Variants in CTNNA3 observed in about 807,000 individuals in gnomAD.
CTNNA3 encodes the protein catenin alpha 3.
CTNNA3 carries 76 observed loss-of-function variants against 95.7 expected under a neutral mutation model. The ratio of observed to expected loss-of-function variants is 0.79; its 90% CI spans 0.66 to 0.96. The LOEUF (loss-of-function observed/expected upper bound fraction) is 0.96, where lower values mean the gene tolerates loss of function less well. Ranked by LOEUF, CTNNA3 falls within the 40% of genes least tolerant of loss-of-function variation. The pLI, the probability that CTNNA3 is intolerant of heterozygous loss-of-function variation, is 0.00. For missense variants in CTNNA3, 1,191 were observed against 1,089.8 expected, an observed-to-expected ratio of 1.09 and a Z score of -1.31; for synonymous variants, 431 against 374.4, an observed-to-expected ratio of 1.15 and a Z score of -1.74.
chr10:66,381,189 C>T (rs2132495352), intron 11 of CTNNA3, among the ~76,000 whole-genome samples: 1 of 152,162 alleles, frequency 6.6e-6, no homozygotes, highest in African/African-American at 2.4e-5. Flanking sequence ...CATGATCTTC[C>T]ATGCCTCTGT....
intron 12 of CTNNA3, among the ~76,000 whole-genome samples, chr10:66,316,953 T>C (rs2092110066): frequency 6.6e-6 from 1 of 152,054 alleles, no homozygotes; most frequent in African/African-American, 2.4e-5. Flanking sequence ...AAGAATTGAA[T>C]AGCAGACTAA....
intron 12 of CTNNA3, among the ~76,000 whole-genome samples, chr10:66,308,470 T>C (rs1047517847): frequency 6.6e-6 from 1 of 152,160 alleles, no homozygotes; most frequent in Admixed American, 6.5e-5. Context: ...GACTTTTGAG[T>C]AAGGAATATA....
intron 9 of CTNNA3, among the ~76,000 whole-genome samples, chr10:66,752,443 A>G (rs1412174171): frequency 6.6e-6 from 1 of 152,200 alleles, no homozygotes; most frequent in Non-Finnish European, 1.5e-5. Flanking sequence ...TAACTAATAT[A>G]CAATAATTAA....
intron 5 of CTNNA3, among the ~76,000 whole-genome samples, chr10:67,355,248 C>G (rs1412591060): frequency 6.6e-6 from 1 of 151,932 alleles, no homozygotes; most frequent in East Asian, 1.9e-4. Flanking sequence ...ACCCCATTCC[C>G]TGTCCCTATA....
intron 5 of CTNNA3, among the ~76,000 whole-genome samples, chr10:67,437,239 T>C (rs1490940811): frequency 5.9e-5 from 9 of 152,148 alleles, no homozygotes; most frequent in African/African-American, 1.9e-4. Context: ...CCAAACATCA[T>C]ATGTTCTCAC....
chr10:66,229,389 A>C (rs990455805), intron 13 of CTNNA3, among the ~76,000 whole-genome samples: 1 of 152,076 alleles, frequency 6.6e-6, no homozygotes, highest in Non-Finnish European at 1.5e-5. Context: ...TCTCTTATGC[A>C]ATTCACGTGG....
chr10:66,491,936 A>C (rs767940722), intron 11 of CTNNA3, among the ~76,000 whole-genome samples: 3 of 151,918 alleles, frequency 2.0e-5, no homozygotes, highest in Admixed American at 6.6e-5. Flanking sequence ...TCTGAGTAGA[A>C]TCTATCCATC....
chr10:66,197,416 C>T (rs2087037975), intron 13 of CTNNA3, among the ~76,000 whole-genome samples: 2 of 152,034 alleles, frequency 1.3e-5, no homozygotes, highest in Admixed American at 6.6e-5. Context: ...CAGGTTCATA[C>T]ATGCAAAAGA....
intron 9 of CTNNA3, among the ~76,000 whole-genome samples, chr10:66,652,012 C>T (rs1400339805): frequency 6.8e-6 from 1 of 147,188 alleles, no homozygotes; most frequent in African/African-American, 2.5e-5. Context: ...GCAGCAAAAG[C>T]AGTTCTAAGA....
chr10:65,950,648 C>T (rs903774407), intron 17 of CTNNA3, among the ~76,000 whole-genome samples: 4 of 152,268 alleles, frequency 2.6e-5, no homozygotes, highest in African/African-American at 9.6e-5. Flanking sequence ...AATTAATCTC[C>T]TCCCTCTTTT....
chr10:66,762,551 C>T (rs994865429), intron 9 of CTNNA3, among the ~76,000 whole-genome samples: 6 of 151,636 alleles, frequency 4.0e-5, no homozygotes, highest in African/African-American at 1.5e-4. Context: ...TGTGGTGACA[C>T]ATCTGAGGTC....
Position 67,576,836 on chromosome 10 carries a change from A to G in CTNNA3, c.292+30021T>C, listed in dbSNP as rs1408232099. ...TTTTTGTCCTTGCAATAGTTTGCTGAGAATGATAGTTTCCAGCATCATCGA... is the reference window on the plus strand; with the variant it reads ...TTTTTGTCCTTGCAATAGTTTGCTGGGAATGATAGTTTCCAGCATCATCGA... On this transcript the variant is annotated intron_variant, in intron 3 of 17. Coordinates refer to ENST00000433211, the MANE Select transcript of CTNNA3 (RefSeq NM_013266.4). 3.6e-5 allele frequency among the ~76,000 whole-genome samples: 4 copies of G among 109,968 alleles called. 1 individual carries two copies. Among genetic ancestry groups the G allele is most frequent in the Non-Finnish European group, 6.4e-5 (4 of 62,650 alleles). The allele number at this position is 109,968 out of a possible 152,430, so 72.1% of individuals were successfully genotyped here.
intron 5 of CTNNA3, among the ~76,000 whole-genome samples, chr10:67,271,539 A>C (rs1838976271): frequency 6.6e-6 from 1 of 152,154 alleles, no homozygotes. Context: ...GTATTTCTTC[A>C]TAGCAATGTG....
chr10:67,230,662 T>C (rs1336512964), intron 5 of CTNNA3, among the ~76,000 whole-genome samples: 4 of 152,044 alleles, frequency 2.6e-5, no homozygotes, highest in African/African-American at 9.7e-5. Context: ...AAAGAAGATA[T>C]ACAGAGAAGC....
At chr10:66,173,971 TCACTTCAAAA>T (rs1488116739) in intron 13 of CTNNA3, among the ~76,000 whole-genome samples, 2 of 152,128 alleles carry the variant, frequency 1.3e-5, no homozygotes, top group Non-Finnish European at 2.9e-5. Context: ...CCAGGCAGTC[TCACTTCAAAA>T]TCCGTGTCCC....
At chr10:67,503,055 C>G (rs1231654246) in intron 5 of CTNNA3, among the ~76,000 whole-genome samples, 2 of 152,318 alleles carry the variant, frequency 1.3e-5, no homozygotes, top group South Asian at 4.1e-4. Context: ...TCTGCCCAAA[C>G]GGCCTCCCAG....
At chr10:67,620,926 T>TATAC (rs1175047702) in intron 2 of CTNNA3, among the ~76,000 whole-genome samples, 2 of 77,078 alleles carry the variant, frequency 2.6e-5, no homozygotes, top group African/African-American at 8.0e-5. Context: ...TGTGTGTGTA[T>TATAC]ATATATATAT....
chr10:67,305,543 A>G (rs1409993240), intron 5 of CTNNA3, among the ~76,000 whole-genome samples: 3 of 152,092 alleles, frequency 2.0e-5, no homozygotes, highest in African/African-American at 7.2e-5. Flanking sequence ...ATTTTAAATC[A>G]GGGAGTTGAA....
At chr10:66,746,482 C>A (rs1838878783) in intron 9 of CTNNA3, among the ~76,000 whole-genome samples, 1 of 152,174 alleles carries the variant, frequency 6.6e-6, no homozygotes, top group Non-Finnish European at 1.5e-5. Flanking sequence ...AAAGCATTTA[C>A]ACAGGATAGC....
Sources: gnomAD v4.1 joint callset for allele counts (sites outside exome capture counted in the v4.1 genomes callset) on GRCh38, gnomAD v4.1.1 for gene constraint, MANE v1.5 for transcripts, NCBI Gene and HGNC (gene_info 2026-07-23, HGNC 2026-07-21) for gene names.